The following PHF8 variants were observed in gnomAD, a reference collection of about 807,000 sequenced individuals.
PHF8 encodes histone lysine demethylase PHF8.
In PHF8, 9 loss-of-function variants were observed where a neutral mutation model predicts 74.4. That is an observed-to-expected ratio of 0.12 (90% CI 0.07 to 0.21). The LOEUF is 0.21. Among genes scored for constraint, PHF8 ranks in the 10% least tolerant of loss-of-function variants. The probability of loss-of-function intolerance (pLI) is 1.00; values close to 1 mark genes in which losing one functional copy is unlikely to be tolerated. For synonymous variants in PHF8, 311 were observed against 316.6 expected (o/e 0.98, Z 0.19); for missense variants, 478 against 816.6 (o/e 0.59, Z 5.05).
Position 53,949,705 on chromosome X carries a change from A to G in PHF8, c.2540-5462T>C, listed in dbSNP as rs913862908. On this transcript the variant is annotated intron_variant, in intron 19 of 21. Transcript: ENST00000338154. ...CAGGCGCCTGTAGTCCCAGCTACTC[A>G]GGAGGCTGAGGCAGGAGAATGGTGT... Among the ~76,000 whole-genome samples, 5 of 103,858 alleles carry G rather than the reference A, an allele frequency of 4.8e-5. No individual in the cohort carries two copies. The Middle Eastern group carries it at 0.016, about 326-fold the overall frequency. The allele number at this position is 103,858 out of a possible 115,157, so 90.2% of individuals were successfully genotyped here.
intron 15 of PHF8, 105 bp downstream of exon 15, chrX:53,987,661 A>G: frequency 1.4e-6 from 1 of 701,106 alleles, no homozygotes; most frequent in East Asian, 3.5e-5. Context: ...GTGAGCCAAG[A>G]TCGTGCCATT....
At chrX:54,031,783 C>G (rs2066362210) in intron 2 of PHF8, among the ~76,000 whole-genome samples, 1 of 111,403 alleles carries the variant, frequency 9.0e-6, no homozygotes, top group African/African-American at 3.3e-5. Flanking sequence ...ATCACTGACT[C>G]TGCTTTAAGC....
At position 53,987,722 on chromosome X, in the gene PHF8, C is replaced by CA. The variant is rs1439464543; in HGVS notation, c.1909+43dup. On this transcript the variant is annotated intron_variant, in intron 15 of 21. Coordinates refer to ENST00000338154, the MANE Select transcript of PHF8 (RefSeq NM_015107.3). ...AAAACTCCGTCTCAAAACAAACAAA[C>CA]AAAAAAACGGGCAGGGGAGGAAAAA... 8 of 1,086,824 alleles carry CA rather than the reference C, an allele frequency of 7.4e-6. No homozygotes were observed. In the Admixed American group the frequency reaches 7.8e-5, roughly 11 times the overall value. 89.6% of individuals were successfully genotyped at this position (1,086,824 alleles called of 1,213,427 possible). A position where few individuals can be genotyped will look rare whatever the true frequency, so the allele number is the denominator to read the frequency against.
intron 11 of PHF8, among the ~76,000 whole-genome samples, chrX:53,996,037 C>T (rs782192592): frequency 7.9e-4 from 88 of 111,689 alleles, no homozygotes; most frequent in Non-Finnish European, 1.3e-3. Context: ...ACCCTTTAGA[C>T]CATGCTTGCC....
intron 2 of PHF8, among the ~76,000 whole-genome samples, chrX:54,035,431 T>TATGGTAAGTTATATGTATA (rs1557113803): frequency 1.1e-5 from 1 of 88,219 alleles, no homozygotes; most frequent in African/African-American, 5.3e-5. Context: ...AGCAGTTGCT[T>TATGGTAAGTTATATGTATA]ATGGTAAGTT....
rs376940714 is a variant in PHF8 at position 53,961,107 on chromosome X, C to T, written c.2539+1737G>A. Among the ~76,000 whole-genome samples, 7 of 107,425 alleles carry T rather than the reference C, an allele frequency of 6.5e-5. No homozygotes were observed. In the South Asian group the frequency reaches 1.3e-3, roughly 20 times the overall value. 93.3% of individuals were successfully genotyped at this position (107,425 alleles called of 115,157 possible). A position where few individuals can be genotyped will look rare whatever the true frequency, so the allele number is the denominator to read the frequency against. ...CATGGTCTCGGCTCAGTGCAACCTCCGCTTTCCGAGGTTCAAGCAATTCTC... is the reference window on the plus strand; with the variant it reads ...CATGGTCTCGGCTCAGTGCAACCTCTGCTTTCCGAGGTTCAAGCAATTCTC... On this transcript the variant is annotated intron_variant, in intron 19 of 21. Transcript: ENST00000338154.
chrX:54,028,237 G>A (rs782117720), intron 2 of PHF8, among the ~76,000 whole-genome samples: 1 of 111,360 alleles, frequency 9.0e-6, no homozygotes, highest in South Asian at 3.8e-4. Context: ...GAGGAGGAGA[G>A]TGTTCTAGAG....
At chrX:54,042,960 G>A (rs1310797180) in intron 1 of PHF8, 140 bp from the exon 2 acceptor site, 2 of 534,803 alleles carry the variant, frequency 3.7e-6, no homozygotes, top group Admixed American at 9.3e-5. Context: ...ACCAGAGAAA[G>A]TCCACCCGGC....
intron 2 of PHF8, among the ~76,000 whole-genome samples, chrX:54,031,226 T>G (rs1022503226): frequency 3.6e-5 from 4 of 111,289 alleles, no homozygotes; most frequent in Non-Finnish European, 7.5e-5. Context: ...TCCAGGGATG[T>G]GGAACTGAGT....
chrX:53,953,656 A>AG (rs1569524477), intron 19 of PHF8, among the ~76,000 whole-genome samples: 3 of 101,426 alleles, frequency 3.0e-5, no homozygotes, highest in African/African-American at 1.2e-4. Flanking sequence ...AAAAAAAAAA[A>AG]AGCGGGGGGG....
At chrX:53,975,072 A>C (rs1362521647) in intron 18 of PHF8, among the ~76,000 whole-genome samples, 2 of 112,201 alleles carry the variant, frequency 1.8e-5, no homozygotes, top group Non-Finnish European at 3.8e-5. Flanking sequence ...AAGTTGGAAA[A>C]AAAATGTCCA....
At chrX:54,013,091 T>C in intron 7 of PHF8, among the ~76,000 whole-genome samples, 1 of 110,872 alleles carries the variant, frequency 9.0e-6, no homozygotes, top group Non-Finnish European at 1.9e-5. Flanking sequence ...ACACTCCAGC[T>C]TGGGTGACAG....
intron 11 of PHF8, 189 bp downstream of exon 11, chrX:53,999,681 G>T (rs5960469): frequency 0.022 from 9,251 of 423,864 alleles, 623 homozygotes; most frequent in African/African-American, 0.21. Context: ...GTGTGATGTT[G>T]TATTACTTTT....
intron 7 of PHF8, among the ~76,000 whole-genome samples, chrX:54,012,557 G>A (rs188986574): frequency 9.0e-6 from 1 of 111,372 alleles, no homozygotes; most frequent in Admixed American, 9.7e-5. Context: ...AGCACTTTGG[G>A]AGGTTGAGGC....
intron 2 of PHF8, among the ~76,000 whole-genome samples, chrX:54,038,210 T>C (rs1365133622): frequency 8.9e-6 from 1 of 112,299 alleles, no homozygotes. Context: ...AAATTGCATT[T>C]TGAACAAATT....
intron 8 of PHF8, among the ~76,000 whole-genome samples, chrX:54,009,844 GAAAAAAAAAAAAAAAAAAAAAA>G (rs782363250): frequency 2.6e-3 from 24 of 9,390 alleles, no homozygotes; most frequent in Admixed American, 0.014. Context: ...CTCTGTCTCA[GAAAAAAAAAAAAAAAAAAAAAA>G]AAAAAAAAAA....
intron 2 of PHF8, among the ~76,000 whole-genome samples, chrX:54,024,350 C>T (rs782027041): frequency 4.5e-5 from 5 of 111,939 alleles, no homozygotes; most frequent in Non-Finnish European, 9.4e-5. Context: ...AAGTCCAGTC[C>T]GGACCTCACC....
At chrX:53,999,832 C>T in intron 11 of PHF8, 38 bp downstream of exon 11, 1 of 927,314 alleles carries the variant, frequency 1.1e-6, no homozygotes, top group Non-Finnish European at 1.6e-6. Context: ...CTACAAAGGG[C>T]AAAACTCCAG....
At chrX:54,006,560 T>A (rs1039499651) in intron 8 of PHF8, among the ~76,000 whole-genome samples, 41 of 111,887 alleles carry the variant, frequency 3.7e-4, no homozygotes, top group Non-Finnish European at 6.8e-4. Context: ...ATGCTATGTA[T>A]GTATAAAGTA....
Sources: gnomAD v4.1 joint callset for allele counts (sites outside exome capture counted in the v4.1 genomes callset) on GRCh38, gnomAD v4.1.1 for gene constraint, MANE v1.5 for transcripts, NCBI Gene and HGNC (gene_info 2026-07-23, HGNC 2026-07-21) for gene names.